The following ENG variants were observed in gnomAD, a reference collection of about 807,000 sequenced individuals.
ENG encodes the protein endoglin.
Under a neutral mutation model 71.0 loss-of-function variants are expected in ENG, and 17 were observed. The ratio of observed to expected loss-of-function variants is 0.24; its 90% CI spans 0.16 to 0.36. The LOEUF is 0.36. Ranked by LOEUF, ENG falls within the 10% of genes least tolerant of loss-of-function variation. ENG has a pLI of 1.00. For synonymous variants in ENG, 360 were observed against 366.9 expected, an observed-to-expected ratio of 0.98 and a Z score of 0.21; for missense variants, 749 against 868.3, an observed-to-expected ratio of 0.86 and a Z score of 1.73.
rs746414124 is a variant in ENG at position 127,816,044 on chromosome 9, C to T, written c.1751G>A (p.Ser584Asn). 1.7e-5 allele frequency: 28 copies of T among 1,609,712 alleles called. No individual in the cohort carries two copies. In the Admixed American group the frequency reaches 3.2e-4, roughly 18 times the overall value. Residue 584 changes from serine to asparagine, a missense_variant, in exon 14 of 15, where the codon AGC (serine) becomes AAC (asparagine). Transcript: ENST00000373203. ...IISPDLSGCT[S>N]KGLVLPAVLG... Reference sequence around the variant, plus strand: ...CACGGCGGGCAGGACGAGGCCTTTGCTTGTGCAACCTAGAGAGGGCCGACG... The same window carrying T: ...CACGGCGGGCAGGACGAGGCCTTTGTTTGTGCAACCTAGAGAGGGCCGACG...
chr9:127,817,297 T>A (rs1347465379), intron 12 of ENG, 94 bp from the exon 13 acceptor site: 7 of 1,339,706 alleles, frequency 5.2e-6, no homozygotes, highest in Non-Finnish European at 7.4e-6. Context: ...CCCTAGAGCC[T>A]TGGCTTTGAA....
At chr9:127,819,242 T>C in intron 10 of ENG, 1 of 316,582 alleles carries the variant, frequency 3.2e-6, no homozygotes, top group South Asian at 3.1e-5. Flanking sequence ...CGGCCCTTTT[T>C]TTTTTTTTTA....
At chr9:127,816,221 C>T in intron 13 of ENG, 168 bp from the exon 14 acceptor site, 1 of 878,242 alleles carries the variant, frequency 1.1e-6, no homozygotes. Context: ...ACAGCCAGGC[C>T]TGGCATTGAG....
intron 1 of ENG, among the ~76,000 whole-genome samples, chr9:127,852,210 C>A (rs181318996): frequency 1.1e-3 from 169 of 152,270 alleles, no homozygotes; most frequent in Middle Eastern, 6.8e-3. Context: ...CCACGGACCA[C>A]GCATCTTTAC....
At chr9:127,828,536 G>A (rs1168814025) in intron 3 of ENG, among the ~76,000 whole-genome samples, 1 of 152,218 alleles carries the variant, frequency 6.6e-6, no homozygotes, top group African/African-American at 2.4e-5. Context: ...CGCGTTTCAT[G>A]TTCCTGCCTC....
At chr9:127,817,107 T>C in intron 13 of ENG, 42 bp downstream of exon 13, 1 of 1,611,814 alleles carries the variant, frequency 6.2e-7, no homozygotes, top group Non-Finnish European at 8.5e-7. Context: ...TACTGTGACC[T>C]CAGCCACTAG....
intron 8 of ENG, among the ~76,000 whole-genome samples, chr9:127,820,995 A>G (rs1830455498): frequency 6.6e-6 from 1 of 152,190 alleles, no homozygotes; most frequent in Non-Finnish European, 1.5e-5. Context: ...GCACCATGGG[A>G]CAATGTTGTG....
intron 1 of ENG, among the ~76,000 whole-genome samples, chr9:127,848,088 A>C (rs1831212705): frequency 6.6e-6 from 1 of 152,154 alleles, no homozygotes; most frequent in African/African-American, 2.4e-5. Context: ...GGAGTCGGCA[A>C]GCAGGCCAGT....
In ENG at chr9:127,826,567, T is replaced by C; in HGVS notation, c.466A>G (p.Ile156Val). The C allele has an allele frequency of 6.2e-7, 1 of 1,614,028 alleles. No individual in the cohort carries two copies. The highest frequency in any genetic ancestry group is 8.5e-7 in the Non-Finnish European group (1 of 1,179,978). ...ILEWAAERGP[I>V]TSAAELNDPQ... is the part of the protein sequence containing the mutation. ...TCATTCAGCTCAGCAGCAGAGGTGA[T>C]GGGGCCCCTCTCAGCTGCCCACTCA... Residue 156 changes from isoleucine (I) to valine (V), a missense_variant, in exon 4 of 15, where the codon ATC becomes GTC. Transcript: ENST00000373203.
intron 1 of ENG, among the ~76,000 whole-genome samples, chr9:127,851,925 C>T (rs539853384): frequency 4.5e-4 from 69 of 152,136 alleles, no homozygotes; most frequent in African/African-American, 1.4e-3. Context: ...AAACCCCAGA[C>T]CAGAGAACAG....
In ENG at chr9:127,818,169, G is replaced by A. The variant is rs372453075; in HGVS notation, c.1637C>T (p.Thr546Ile). 2.3e-5 allele frequency: 37 copies of A among 1,614,252 alleles called. No homozygotes were observed. The African/African-American group carries it at 4.0e-4, about 17-fold the overall frequency. The change falls in exon 12 of 15, where the codon ACC becomes ATC. Residue 546 changes from threonine to isoleucine, a missense_variant. Thr to Ile is a moderately conservative substitution (Grantham distance 89). Coordinates refer to ENST00000373203, the MANE Select transcript of ENG (RefSeq NM_001114753.3). ...ACGCAGGGCTACCGTGCAGCTGAGGGTGCCGGTTTTGGGTATGGGTACTGT... is the reference window on the plus strand; with the variant it reads ...ACGCAGGGCTACCGTGCAGCTGAGGATGCCGGTTTTGGGTATGGGTACTGT... ...FYTVPIPKTG[T>I]LSCTVALRPK... is the part of the protein sequence containing the mutation.
At chr9:127,837,484 G>A (rs771938969) in intron 2 of ENG, among the ~76,000 whole-genome samples, 17 of 152,140 alleles carry the variant, frequency 1.1e-4, no homozygotes, top group Non-Finnish European at 2.1e-4. Flanking sequence ...GTCAGCCCAC[G>A]TGTCCTCACC....
intron 10 of ENG, chr9:127,819,130 G>A: frequency 2.7e-6 from 1 of 377,288 alleles, no homozygotes; most frequent in East Asian, 6.6e-5. Context: ...GTAGATACGG[G>A]GTTTCACCAT....
chr9:127,828,535 T>C (rs1455900568), intron 3 of ENG, among the ~76,000 whole-genome samples: 1 of 152,148 alleles, frequency 6.6e-6, no homozygotes, highest in Admixed American at 6.5e-5. Flanking sequence ...GCGCGTTTCA[T>C]GTTCCTGCCT....
chr9:127,820,683 GC>G (rs985974331), intron 8 of ENG, among the ~76,000 whole-genome samples: 4 of 151,472 alleles, frequency 2.6e-5, no homozygotes, highest in Non-Finnish European at 4.4e-5. Context: ...AAAAAAATTA[GC>G]CGGGCGTGGT....
chr9:127,825,683 C>G lies in ENG; in HGVS notation c.689+12G>C, dbSNP rs759600714. The G allele has an allele frequency of 1.9e-6, 3 of 1,552,730 alleles. No individual in the cohort carries two copies. The highest frequency in any genetic ancestry group is 1.7e-6 in the Non-Finnish European group (2 of 1,154,822). On this transcript the variant is annotated intron_variant, in intron 5 of 14. Coordinates refer to ENST00000373203, the MANE Select transcript of ENG (RefSeq NM_001114753.3). ...GTGGGGACTAGTGTCAGGGGCGGGG[C>G]GAGAGCCATACCCGGCCGAGTGGCC...
chr9:127,841,443 A>G (rs1564462023), intron 2 of ENG, among the ~76,000 whole-genome samples: 1 of 152,136 alleles, frequency 6.6e-6, no homozygotes, highest in Non-Finnish European at 1.5e-5. Context: ...AAAACAAACA[A>G]TGCGAACTAA....
chr9:127,820,352 C>T (rs1267803566), intron 8 of ENG, among the ~76,000 whole-genome samples: 5 of 151,878 alleles, frequency 3.3e-5, no homozygotes, highest in Admixed American at 1.3e-4. Context: ...TGCCACCATG[C>T]CCGGCTACTT....
intron 2 of ENG, among the ~76,000 whole-genome samples, chr9:127,831,158 C>A (rs1830754823): frequency 6.9e-6 from 1 of 144,372 alleles, no homozygotes; most frequent in African/African-American, 2.8e-5. Context: ...ACGTAAATAC[C>A]ATTTTTTTTT....
Sources: gnomAD v4.1 joint callset for allele counts (sites outside exome capture counted in the v4.1 genomes callset) on GRCh38, gnomAD v4.1.1 for gene constraint, MANE v1.5 for transcripts, NCBI Gene and HGNC (gene_info 2026-07-23, HGNC 2026-07-21) for gene names.